TMEM184C: variants seen among roughly 807,000 people sequenced by gnomAD.
TMEM184C encodes the protein transmembrane protein 184C, also known as transmembrane protein 34.
In TMEM184C, 25 loss-of-function variants were observed where a neutral mutation model predicts 54.5. That is an observed-to-expected ratio of 0.46 (90% CI 0.33 to 0.64). The LOEUF (loss-of-function observed/expected upper bound fraction) is 0.64, where lower values mean the gene tolerates loss of function less well. Among genes scored for constraint, TMEM184C ranks in the 30% least tolerant of loss-of-function variants. The pLI, the probability that TMEM184C is intolerant of heterozygous loss-of-function variation, is 0.02. For synonymous variants in TMEM184C, 148 were observed against 181.5 expected (o/e 0.82, Z 1.49); for missense variants, 335 against 520.3 (o/e 0.64, Z 3.46).
At chr4:147,619,489 C>T (rs1214851594) in intron 1 of TMEM184C, among the ~76,000 whole-genome samples, 1 of 152,146 alleles carries the variant, frequency 6.6e-6, no homozygotes, top group Non-Finnish European at 1.5e-5. Context: ...GCCACCGCAC[C>T]CGGCCCATAT....
intron 4 of TMEM184C, 122 bp from the exon 5 acceptor site, chr4:147,628,239 T>C: frequency 2.8e-6 from 2 of 726,576 alleles, no homozygotes; most frequent in Non-Finnish European, 4.6e-6. Context: ...GATGACTACA[T>C]TGAAAGAATT....
intron 4 of TMEM184C, among the ~76,000 whole-genome samples, chr4:147,626,623 T>C (rs1302689048): frequency 6.6e-6 from 1 of 152,190 alleles, no homozygotes; most frequent in Non-Finnish European, 1.5e-5. Context: ...CCTGGCTTTT[T>C]AAAAAAATAA....
chr4:147,631,788 T>C (rs1366909183), intron 7 of TMEM184C, among the ~76,000 whole-genome samples: 1 of 152,152 alleles, frequency 6.6e-6, no homozygotes, highest in Non-Finnish European at 1.5e-5. Context: ...TAGAATACTA[T>C]GGAGTTTGGA....
intron 8 of TMEM184C, 37 bp downstream of exon 8, chr4:147,633,039 C>T: frequency 1.3e-6 from 2 of 1,564,362 alleles, no homozygotes; most frequent in South Asian, 2.2e-5. Context: ...TAGAACTTTA[C>T]TATTTGTTAA....
chr4:147,630,239 A>C (rs907582174), intron 6 of TMEM184C, among the ~76,000 whole-genome samples: 8 of 152,082 alleles, frequency 5.3e-5, no homozygotes, highest in Non-Finnish European at 1.2e-4. Context: ...TTGATCTTAC[A>C]AGCTTAAAAA....
rs1178609195 is a variant in TMEM184C at position 147,631,440 on chromosome 4, A to T, written c.714A>T (p.Glu238Asp). The change falls in exon 7 of 10, where the codon GAA becomes GAT. Residue 238 changes from glutamate to aspartate, a missense_variant. Transcript: ENST00000296582. ...TCTTTTATAAAGTACTAAAAGAAGA[A>T]CTGAGCCCAATCCAACCTGTTGGCA... ...LLLFYKVLKE[E>D]LSPIQPVGKF... 6.2e-7 allele frequency: 1 copy of T among 1,605,148 alleles called. No homozygotes were observed. Among genetic ancestry groups the T allele is most frequent in the Admixed American group, 1.7e-5 (1 of 57,258 alleles).
At chr4:147,624,369 TTTTA>T (rs1393452102) in intron 3 of TMEM184C, among the ~76,000 whole-genome samples, 23 of 150,212 alleles carry the variant, frequency 1.5e-4, no homozygotes, top group African/African-American at 5.6e-4. Context: ...ATACTACTCT[TTTTA>T]TTTATTACGT....
In TMEM184C at chr4:147,629,639, A is replaced by C; in HGVS notation, c.613A>C (p.Ser205Arg). 6.3e-7 allele frequency: 1 copy of C among 1,597,436 alleles called. No homozygotes were observed. Among genetic ancestry groups the C allele is most frequent in the South Asian group, 1.1e-5 (1 of 87,100 alleles). Reference protein sequence around the residue: ...LLGIYDEGNFSFSNAWTYLVI... With the variant: ...LLGIYDEGNFRFSNAWTYLVI... ...TGGTATATATGACGAAGGGAACTTT[A>C]GCTTTTCAAATGCTTGGACTTATTT... The change falls in exon 6 of 10, where the codon AGC becomes CGC. Residue 205 changes from serine to arginine, a missense_variant. Coordinates refer to ENST00000296582, the MANE Select transcript of TMEM184C (RefSeq NM_018241.3).
At chr4:147,634,129 T>G in intron 9 of TMEM184C, 40 bp from the exon 10 acceptor site, 1 of 1,584,276 alleles carries the variant, frequency 6.3e-7, no homozygotes, top group African/African-American at 1.4e-5. Context: ...TTTATAATGG[T>G]AAAAATAACT....
At chr4:147,633,672 T>C in intron 8 of TMEM184C, 93 bp from the exon 9 acceptor site, 3 of 1,078,076 alleles carry the variant, frequency 2.8e-6, no homozygotes, top group South Asian at 5.5e-5. Flanking sequence ...CTGTTTATCT[T>C]AGCACTTTTG....
intron 1 of TMEM184C, among the ~76,000 whole-genome samples, chr4:147,620,515 A>AGTGAAGG (rs1281973220): frequency 2.6e-5 from 4 of 152,258 alleles, no homozygotes; most frequent in African/African-American, 4.8e-5. Flanking sequence ...ATAAAGCAGA[A>AGTGAAGG]GTGAAGGGAA....
rs933289666 is a variant in TMEM184C at position 147,631,630 on chromosome 4, A to G, written c.779+125A>G. 5 of 694,380 alleles carry G rather than the reference A, an allele frequency of 7.2e-6. No homozygotes were observed. In the African/African-American group the frequency reaches 7.6e-5, roughly 11 times the overall value. The allele number at this position is 694,380 out of a possible 1,614,324, so 43.0% of individuals were successfully genotyped here. ...TAAAATGTCTCTACTTCTCTTTTTAAAAGTTCATCTTTTTAGCCCTTCTAC... is the reference window on the plus strand; with the variant it reads ...TAAAATGTCTCTACTTCTCTTTTTAGAAGTTCATCTTTTTAGCCCTTCTAC... On this transcript the variant is annotated intron_variant, in intron 7 of 9. Coordinates refer to ENST00000296582, the MANE Select transcript of TMEM184C (RefSeq NM_018241.3).
At chr4:147,624,170 G>C (rs1224283643) in intron 3 of TMEM184C, 72 bp downstream of exon 3, 21 of 1,315,668 alleles carry the variant, frequency 1.6e-5, no homozygotes, top group Non-Finnish European at 2.2e-5. Context: ...GAATGCTTAA[G>C]ATAATGAAAG....
Position 147,635,812 on chromosome 4 carries a change from CATACAAAA to C in TMEM184C, c.*1380_*1387del, listed in dbSNP as rs1490794658. 6.6e-6 allele frequency: 1 copy of C among 151,980 alleles called. No individual in the cohort carries two copies. The highest frequency in any genetic ancestry group is 6.6e-5 in the Admixed American group (1 of 15,264). 9.4% of individuals were successfully genotyped at this position (151,980 alleles called of 1,614,324 possible). On this transcript the variant is annotated 3_prime_UTR_variant, in exon 10 of 10. Coordinates refer to ENST00000296582, the MANE Select transcript of TMEM184C (RefSeq NM_018241.3). ...GTAAAGTTGCAGAATACAAAATCAA[CATACAAAA>C]AGCATTAGCATTTTTATACATAAAT...
In TMEM184C at chr4:147,633,841, A is replaced by G; in HGVS notation, c.956A>G (p.Gln319Arg). 4 of 1,613,942 alleles carry G rather than the reference A, an allele frequency of 2.5e-6. No homozygotes were observed. The highest frequency in any genetic ancestry group is 3.4e-6 in the Non-Finnish European group (4 of 1,179,978). Residue 319 changes from glutamine to arginine, a missense_variant, in exon 9 of 10, where the codon CAA becomes CGA. Gln to Arg is a conservative substitution (Grantham distance 43, BLOSUM62 1). Transcript: ENST00000296582. The stretch of plus-strand genomic sequence containing the variant: ...ACATTCTCATATAAACCATATGTCC[A>G]AGAAGCAGAAGAGGGCTCATGCTTT... ...HYTFSYKPYV[Q>R]EAEEGSCFDS...
intron 3 of TMEM184C, among the ~76,000 whole-genome samples, chr4:147,624,467 A>G (rs1192772106): frequency 1.3e-5 from 2 of 152,208 alleles, no homozygotes; most frequent in Non-Finnish European, 2.9e-5. Context: ...AATATGAGTA[A>G]ATATTAAAGG....
intron 3 of TMEM184C, among the ~76,000 whole-genome samples, chr4:147,624,601 C>A (rs555481681): frequency 6.6e-6 from 1 of 152,218 alleles, no homozygotes; most frequent in East Asian, 1.9e-4. Context: ...TTTTTGTTTA[C>A]CAATATCTAA....
chr4:147,620,901 A>G (rs905832920), intron 1 of TMEM184C, among the ~76,000 whole-genome samples: 4 of 152,220 alleles, frequency 2.6e-5, no homozygotes, highest in Admixed American at 6.5e-5. Context: ...GCTCAGAAAG[A>G]TATGAGCTGC....
chr4:147,628,272 A>G, intron 4 of TMEM184C, 89 bp from the exon 5 acceptor site: 1 of 981,294 alleles, frequency 1.0e-6, no homozygotes, highest in Non-Finnish European at 1.6e-6. Flanking sequence ...GGTATCATTC[A>G]TCAAAGTGAT....
Sources: allele counts gnomAD v4.1 joint callset (sites outside exome capture counted in the v4.1 genomes callset), GRCh38; gene constraint gnomAD v4.1.1; transcripts MANE v1.5; gene names NCBI Gene and HGNC (gene_info 2026-07-23, HGNC 2026-07-21).